Variants in PTPRD observed in about 807,000 individuals in gnomAD.
PTPRD encodes receptor-type tyrosine-protein phosphatase delta.
A neutral mutation model predicts 214.5 loss-of-function variants in PTPRD; 34 were observed. The observed-to-expected ratio is 0.16, with a 90% CI of 0.12 to 0.21. PTPRD has a LOEUF of 0.21. Among genes scored for constraint, PTPRD ranks in the 10% least tolerant of loss-of-function variants. PTPRD has a pLI of 1.00. For synonymous variants in PTPRD, 1,128 were observed against 845.7 expected (o/e 1.33, Z -5.79); for missense variants, 2,545 against 2,398.7 (o/e 1.06, Z -1.27).
intron 2 of PTPRD, among the ~76,000 whole-genome samples, chr9:10,398,525 A>C (rs1048487252): frequency 2.0e-5 from 3 of 151,996 alleles, no homozygotes; most frequent in African/African-American, 7.2e-5. Flanking sequence ...GTGGACCTGA[A>C]GACTTCCAAA....
chr9:9,395,110 C>G (rs1342182859), intron 9 of PTPRD, among the ~76,000 whole-genome samples: 1 of 151,898 alleles, frequency 6.6e-6, no homozygotes, highest in African/African-American at 2.4e-5. Flanking sequence ...CTCCTTTCTT[C>G]CTTTCCCTTC....
intron 2 of PTPRD, among the ~76,000 whole-genome samples, chr9:10,386,136 T>C (rs1382761407): frequency 6.6e-6 from 1 of 151,902 alleles, no homozygotes; most frequent in Admixed American, 6.6e-5. Context: ...TAAAATCCAC[T>C]GGCTATGATA....
At chr9:9,466,195 T>C (rs939421114) in intron 8 of PTPRD, among the ~76,000 whole-genome samples, 2 of 151,950 alleles carry the variant, frequency 1.3e-5, no homozygotes, top group East Asian at 3.9e-4. Context: ...CATAGTCCCA[T>C]CTACTTAAGA....
intron 9 of PTPRD, among the ~76,000 whole-genome samples, chr9:9,260,026 G>A (rs1243337466): frequency 6.6e-6 from 1 of 151,876 alleles, no homozygotes; most frequent in East Asian, 1.9e-4. Flanking sequence ...GAATTTAACA[G>A]TCAGATAATG....
chr9:9,324,028 T>G (rs1968275443), intron 9 of PTPRD, among the ~76,000 whole-genome samples: 1 of 152,184 alleles, frequency 6.6e-6, no homozygotes, highest in Admixed American at 6.5e-5. Flanking sequence ...CTCATCCTTT[T>G]TTATGGCTGC....
chr9:8,834,798 G>C (rs2097377052), intron 11 of PTPRD, among the ~76,000 whole-genome samples: 1 of 152,162 alleles, frequency 6.6e-6, no homozygotes, highest in African/African-American at 2.4e-5. Context: ...ACCCCAATGG[G>C]TTCTCCCTCT....
intron 11 of PTPRD, among the ~76,000 whole-genome samples, chr9:8,813,277 G>A (rs994444305): frequency 6.6e-6 from 1 of 152,072 alleles, no homozygotes; most frequent in African/African-American, 2.4e-5. Context: ...GGGGGCAGAG[G>A]CTGGAGGAAG....
chr9:9,600,231 T>C (rs527933892), intron 7 of PTPRD, among the ~76,000 whole-genome samples: 1 of 152,250 alleles, frequency 6.6e-6, no homozygotes, highest in Non-Finnish European at 1.5e-5. Flanking sequence ...AGGATAATAG[T>C]GAACTTTGCA....
At position 8,850,276 on chromosome 9, in the gene PTPRD, T is replaced by C. The variant is rs558021479; in HGVS notation, c.-103-116330A>G. On this transcript the variant is annotated intron_variant, in intron 11 of 45. Coordinates refer to ENST00000381196, the MANE Select transcript of PTPRD (RefSeq NM_002839.4). ...TTGAAGGTTATCTATGTAGAAATTA[T>C]TGTTTCTATGAGAAGTGGATAGACA... is the stretch of plus-strand genomic sequence containing the variant. Among the ~76,000 whole-genome samples, 81 of 152,270 alleles carry C rather than the reference T, an allele frequency of 5.3e-4. 2 individuals carry two copies. The highest frequency in any genetic ancestry group is 9.0e-4 in the Non-Finnish European group (61 of 68,024).
intron 12 of PTPRD, among the ~76,000 whole-genome samples, chr9:8,673,656 T>A (rs2097335129): frequency 6.6e-6 from 1 of 152,198 alleles, no homozygotes; most frequent in Non-Finnish European, 1.5e-5. Context: ...AATTTATCCC[T>A]CTAATTTCTT....
At chr9:8,638,719 G>A (rs1181859523) in intron 12 of PTPRD, among the ~76,000 whole-genome samples, 1 of 152,028 alleles carries the variant, frequency 6.6e-6, no homozygotes, top group African/African-American at 2.4e-5. Flanking sequence ...TATTAAGAAA[G>A]CAAAACAGCC....
At chr9:8,744,980 C>G (rs773418810) in intron 11 of PTPRD, among the ~76,000 whole-genome samples, 10 of 152,062 alleles carry the variant, frequency 6.6e-5, no homozygotes, top group Non-Finnish European at 1.2e-4. Context: ...GTAAAGAGGA[C>G]AAATATTAAC....
chr9:9,206,486 A>T (rs1204383137), intron 9 of PTPRD, among the ~76,000 whole-genome samples: 2 of 152,126 alleles, frequency 1.3e-5, no homozygotes, highest in Admixed American at 1.3e-4. Context: ...GATGCAAAGT[A>T]TTGTTCTTGA....
chr9:9,485,292 T>A (rs1680241516), intron 8 of PTPRD, among the ~76,000 whole-genome samples: 1 of 152,216 alleles, frequency 6.6e-6, no homozygotes, highest in African/African-American at 2.4e-5. Context: ...TGTCATTATA[T>A]CTCTAAATAG....
chr9:9,731,026 A>C (rs1253658306), intron 7 of PTPRD, among the ~76,000 whole-genome samples: 2 of 152,192 alleles, frequency 1.3e-5, no homozygotes, highest in Non-Finnish European at 2.9e-5. Context: ...CACAGATACA[A>C]AATTCAGTGA....
intron 3 of PTPRD, among the ~76,000 whole-genome samples, chr9:10,094,544 T>C (rs1228304024): frequency 2.9e-4 from 43 of 149,622 alleles, no homozygotes; most frequent in East Asian, 9.8e-4. Context: ...TCTTTCTTTT[T>C]TTTTTTTTTT....
chr9:9,709,704 G>A (rs1262632796), intron 7 of PTPRD, among the ~76,000 whole-genome samples: 1 of 151,892 alleles, frequency 6.6e-6, no homozygotes. Flanking sequence ...AAAAATTTAA[G>A]CAAATCTTAA....
intron 33 of PTPRD, chr9:8,452,007 C>A: frequency 3.1e-6 from 1 of 321,882 alleles, no homozygotes; most frequent in Non-Finnish European, 6.1e-6. Context: ...GCCCATTTCT[C>A]TGGTGCAAGG....
At chr9:9,114,651 C>T (rs945137374) in intron 10 of PTPRD, among the ~76,000 whole-genome samples, 14 of 152,022 alleles carry the variant, frequency 9.2e-5, no homozygotes, top group African/African-American at 3.4e-4. Flanking sequence ...CTCCCTTCCC[C>T]CGACAAAGAT....
Sources: allele counts gnomAD v4.1 joint callset (sites outside exome capture counted in the v4.1 genomes callset), GRCh38; gene constraint gnomAD v4.1.1; transcripts MANE v1.5; gene names NCBI Gene and HGNC (gene_info 2026-07-23, HGNC 2026-07-21).